The following ZNF385D variants were observed in gnomAD, a reference collection of about 807,000 sequenced individuals.
ZNF385D encodes the protein zinc finger protein 659.
Under a neutral mutation model 35.8 loss-of-function variants are expected in ZNF385D, and 15 were observed. That is an observed-to-expected ratio of 0.42 (90% CI 0.28 to 0.64). ZNF385D has a LOEUF of 0.64. ZNF385D is among the 30% of genes least tolerant of loss of function. ZNF385D has a pLI of 0.23. For missense variants in ZNF385D, 474 were observed against 494.6 expected (o/e 0.96, Z 0.39); for synonymous variants, 212 against 186.8 (o/e 1.13, Z -1.10).
At chr3:22,084,471 G>C (rs928591716) in intron 3 of ZNF385D, among the ~76,000 whole-genome samples, 5 of 152,108 alleles carry the variant, frequency 3.3e-5, no homozygotes, top group African/African-American at 1.2e-4. Flanking sequence ...AAGATCAAAA[G>C]AGACAAAGAA....
At chr3:22,155,017 G>A (rs1705497186) in intron 3 of ZNF385D, among the ~76,000 whole-genome samples, 1 of 152,102 alleles carries the variant, frequency 6.6e-6, no homozygotes, top group Non-Finnish European at 1.5e-5. Flanking sequence ...CAGTGTAAGG[G>A]AGAACAGGCA....
intron 3 of ZNF385D, among the ~76,000 whole-genome samples, chr3:21,879,619 T>C (rs17009905): frequency 0.067 from 10,243 of 152,018 alleles, 501 homozygotes; most frequent in South Asian, 0.17. Flanking sequence ...CTCACCGCTG[T>C]TGTAATATGC....
In ZNF385D at chr3:21,867,082, G is replaced by A. The variant is rs57162917; in HGVS notation, c.326-202054C>T. ...GAAAAGTCCAAGACACTGAGATACG[G>A]TGTCTAGTGAGGGCCTTGCTGCATC... On this transcript the variant is annotated intron_variant, in intron 3 of 5. Coordinates refer to the ZNF385D transcript ENST00000494108. 5.9e-5 allele frequency among the ~76,000 whole-genome samples: 9 copies of A among 152,198 alleles called. 1 individual carries two copies. Among genetic ancestry groups the A allele is most frequent in the Non-Finnish European group, 1.3e-4 (9 of 68,004 alleles).
chr3:22,200,673 G>A (rs922509404), intron 2 of ZNF385D, among the ~76,000 whole-genome samples: 2 of 152,046 alleles, frequency 1.3e-5, no homozygotes, highest in African/African-American at 4.8e-5. Context: ...AAGCCTGGGA[G>A]CACTATGGGA....
At position 21,671,034 on chromosome 3, in the gene ZNF385D, A is replaced by G. The variant is rs148794553; in HGVS notation, c.23-6006T>C. Among the ~76,000 whole-genome samples the G allele has an allele frequency of 2.7e-3, 411 of 152,188 alleles. 4 individuals carry two copies. Among genetic ancestry groups the G allele is most frequent in the Middle Eastern group, 0.01 (3 of 294 alleles). ...CAGACTTCAGCCTTGGATCATGCTA[A>G]CATCGCCATTTTTTGAACACAGGTC... On this transcript the variant is annotated intron_variant, in intron 1 of 7. Coordinates refer to ENST00000281523, the MANE Select transcript of ZNF385D (RefSeq NM_024697.3).
intron 3 of ZNF385D, among the ~76,000 whole-genome samples, chr3:21,912,913 C>A (rs1370704349): frequency 6.6e-6 from 1 of 152,034 alleles, no homozygotes; most frequent in East Asian, 1.9e-4. Context: ...TTGGCTTCCA[C>A]ATCTAAGAAA....
chr3:22,330,057 G>A (rs1007800225), intron 2 of ZNF385D, among the ~76,000 whole-genome samples: 1 of 152,032 alleles, frequency 6.6e-6, no homozygotes, highest in Non-Finnish European at 1.5e-5. Flanking sequence ...TGTCTGTGTG[G>A]CAAATTGATC....
intron 4 of ZNF385D, among the ~76,000 whole-genome samples, chr3:21,483,802 T>C (rs1575023173): frequency 6.6e-6 from 1 of 152,212 alleles, no homozygotes; most frequent in East Asian, 1.9e-4. Context: ...AAAGTACTTT[T>C]TATATATTCT....
intron 3 of ZNF385D, among the ~76,000 whole-genome samples, chr3:22,044,440 C>CAAAAAA (rs1443604414): frequency 3.3e-5 from 5 of 151,746 alleles, no homozygotes; most frequent in Admixed American, 1.3e-4. Flanking sequence ...TAGAGCAAGG[C>CAAAAAA]AAACAAAAAC....
chr3:22,240,034 T>C (rs1368907735), intron 2 of ZNF385D, among the ~76,000 whole-genome samples: 2 of 149,596 alleles, frequency 1.3e-5, no homozygotes, highest in African/African-American at 2.5e-5. Context: ...ATACAAAATA[T>C]TACCCAGGTA....
intron 3 of ZNF385D, among the ~76,000 whole-genome samples, chr3:21,955,139 A>G (rs1367520555): frequency 6.6e-6 from 1 of 152,152 alleles, no homozygotes; most frequent in African/African-American, 2.4e-5. Context: ...CAAACAAAGG[A>G]AAAAAACTTT....
chr3:22,197,484 G>A (rs139889556), intron 2 of ZNF385D, among the ~76,000 whole-genome samples: 1 of 152,068 alleles, frequency 6.6e-6, no homozygotes, highest in African/African-American at 2.4e-5. Flanking sequence ...ATTTGATTTT[G>A]ACGTATTTGT....
intron 3 of ZNF385D, among the ~76,000 whole-genome samples, chr3:22,134,993 A>G (rs1704020883): frequency 6.6e-6 from 1 of 152,216 alleles, no homozygotes; most frequent in Admixed American, 6.5e-5. Flanking sequence ...CAAATTAAAA[A>G]TAATTAACAA....
chr3:22,276,335 T>C (rs1054008052), intron 2 of ZNF385D, among the ~76,000 whole-genome samples: 3 of 152,112 alleles, frequency 2.0e-5, no homozygotes, highest in Non-Finnish European at 4.4e-5. Context: ...TAATTTATAA[T>C]AGCCACTCGT....
intron 3 of ZNF385D, among the ~76,000 whole-genome samples, chr3:21,878,478 G>A (rs1315031240): frequency 1.3e-5 from 2 of 151,964 alleles, no homozygotes; most frequent in Non-Finnish European, 2.9e-5. Context: ...TTACAGAAAA[G>A]TGTATCATAC....
At chr3:22,045,294 T>C (rs1227167210) in intron 3 of ZNF385D, among the ~76,000 whole-genome samples, 1 of 152,100 alleles carries the variant, frequency 6.6e-6, no homozygotes, top group African/African-American at 2.4e-5. Flanking sequence ...GGATTAAATG[T>C]TATTATTGCT....
At chr3:22,268,711 C>A (rs1701021917) in intron 2 of ZNF385D, among the ~76,000 whole-genome samples, 1 of 151,986 alleles carries the variant, frequency 6.6e-6, no homozygotes, top group African/African-American at 2.4e-5. Context: ...TATCAAAAAG[C>A]TATTGAGAGG....
intron 3 of ZNF385D, among the ~76,000 whole-genome samples, chr3:21,931,313 A>G (rs1700996495): frequency 6.6e-6 from 1 of 152,224 alleles, no homozygotes; most frequent in African/African-American, 2.4e-5. Context: ...AGAGAGGATG[A>G]GGAGACACCA....
intron 3 of ZNF385D, among the ~76,000 whole-genome samples, chr3:21,838,075 C>A (rs2630794): frequency 1.3e-5 from 2 of 151,954 alleles, no homozygotes; most frequent in Non-Finnish European, 2.9e-5. Context: ...TGCACATTAA[C>A]AGTAGCAATC....
Sources: gnomAD v4.1 joint callset for allele counts (sites outside exome capture counted in the v4.1 genomes callset) on GRCh38, gnomAD v4.1.1 for gene constraint, MANE v1.5 for transcripts, NCBI Gene and HGNC (gene_info 2026-07-23, HGNC 2026-07-21) for gene names.